The following AMMECR1L variants were observed in gnomAD, a reference collection of about 807,000 sequenced individuals.
The protein encoded by AMMECR1L is AMMECR1-like protein.
Under a neutral mutation model 36.8 loss-of-function variants are expected in AMMECR1L, and 4 were observed. That is an observed-to-expected ratio of 0.11 (90% CI 0.05 to 0.25). The LOEUF is 0.25. Among genes scored for constraint, AMMECR1L ranks in the 10% least tolerant of loss-of-function variants. The pLI is 1.00. For synonymous variants in AMMECR1L, 147 were observed against 148.0 expected (o/e 0.99, Z 0.05); for missense variants, 232 against 392.1 (o/e 0.59, Z 3.45).
chr2:127,868,966 G>A (rs773358657), intron 6 of AMMECR1L, among the ~76,000 whole-genome samples: 10 of 152,018 alleles, frequency 6.6e-5, no homozygotes, highest in Admixed American at 5.2e-4. Context: ...CTTGTGATCC[G>A]CCCACCTTGG....
chr2:127,870,366 T>C (rs1292564346), intron 5 of AMMECR1L, among the ~76,000 whole-genome samples: 3 of 151,734 alleles, frequency 2.0e-5, no homozygotes, highest in Admixed American at 2.0e-4. Context: ...TCCCAGCTAC[T>C]TGGGACACTG....
chr2:127,868,891 A>AT (rs34978045), intron 6 of AMMECR1L, among the ~76,000 whole-genome samples: 39,008 of 151,850 alleles, frequency 0.26, 5,624 homozygotes, highest in South Asian at 0.48. Flanking sequence ...TGCCCAGCTA[A>AT]TTTTTATATT....
At chr2:127,868,481 G>A (rs1249947052) in intron 6 of AMMECR1L, among the ~76,000 whole-genome samples, 1 of 152,126 alleles carries the variant, frequency 6.6e-6, no homozygotes, top group Non-Finnish European at 1.5e-5. Context: ...CGTTTTCCAT[G>A]TTTGCTCATG....
chr2:127,865,245 C>A lies in AMMECR1L; in HGVS notation c.822-40G>T, dbSNP rs141599954. ...AGGAAAGGGTATTAGGAACCCCAAA[C>A]GCTTCATTTTGTAAAGTCACTCAGC... On this transcript the variant is annotated intron_variant, in intron 7 of 7. Coordinates refer to ENST00000272647, the MANE Select transcript of AMMECR1L (RefSeq NM_001199140.2). The surrounding 1 kb of genome is among the most constrained non-coding windows in gnomAD (Gnocchi z 5.4). The A allele has an allele frequency of 1.4e-6, 2 of 1,449,402 alleles. No homozygotes were observed. Among genetic ancestry groups the A allele is most frequent in the African/African-American group, 2.8e-5 (2 of 70,542 alleles). The allele number at this position is 1,449,402 out of a possible 1,614,324, so 89.8% of individuals were successfully genotyped here.
At chr2:127,879,179 A>C (rs1691379359) in intron 2 of AMMECR1L, among the ~76,000 whole-genome samples, 1 of 152,320 alleles carries the variant, frequency 6.6e-6, no homozygotes, top group African/African-American at 2.4e-5. Flanking sequence ...GTTTGTCGCC[A>C]CCCAAGTCTC....
At chr2:127,872,016 C>G (rs1021142135) in intron 3 of AMMECR1L, among the ~76,000 whole-genome samples, 2 of 151,930 alleles carry the variant, frequency 1.3e-5, no homozygotes, top group Non-Finnish European at 2.9e-5. Context: ...TGGCGAAACC[C>G]CGCCTCTACT....
rs769318368 is a variant in AMMECR1L at position 127,873,097 on chromosome 2, A to G, written c.407+731T>C. The G allele has an allele frequency of 1.4e-5, 14 of 985,218 alleles. No homozygotes were observed. In the Admixed American group the frequency reaches 4.9e-4, roughly 35 times the overall value. The allele number at this position is 985,218 out of a possible 1,614,324, so 61.0% of individuals were successfully genotyped here. On this transcript the variant is annotated intron_variant, in intron 3 of 7. Coordinates refer to ENST00000272647, the MANE Select transcript of AMMECR1L (RefSeq NM_001199140.2). The surrounding 1 kb of genome is among the most constrained non-coding windows in gnomAD (Gnocchi z 5.2). Reference sequence around the variant, plus strand: ...CAACAACTGAGGAATGAATAATCTCATATCAATGAACACTCCAAAAGCATA... The same window carrying G: ...CAACAACTGAGGAATGAATAATCTCGTATCAATGAACACTCCAAAAGCATA...
rs931912480 is a variant in AMMECR1L, at chr2:127,863,662, T to C, written c.*1432A>G. Reference sequence around the variant, plus strand: ...ATCCACTTCATGAGTTCTCTAAGCATGTTGTTGAAAACCAGTGTCACATCC... The same window carrying C: ...ATCCACTTCATGAGTTCTCTAAGCACGTTGTTGAAAACCAGTGTCACATCC... On this transcript the variant is annotated 3_prime_UTR_variant, in exon 8 of 8. Transcript: ENST00000272647. 3 of 152,692 alleles carry C rather than the reference T, an allele frequency of 2.0e-5. No homozygotes were observed. The highest frequency in any genetic ancestry group is 4.4e-5 in the Non-Finnish European group (3 of 68,052). The allele number at this position is 152,692 out of a possible 1,614,324, so 9.5% of individuals were successfully genotyped here.
chr2:127,878,446 ACCTTTC>A (rs1363347139), intron 2 of AMMECR1L, among the ~76,000 whole-genome samples: 321 of 152,326 alleles, frequency 2.1e-3, no homozygotes, highest in Non-Finnish European at 2.9e-3. Context: ...AGCTAAAAAA[ACCTTTC>A]ATCATTCTCA....
chr2:127,876,972 G>A (rs995625765), intron 2 of AMMECR1L, among the ~76,000 whole-genome samples: 16 of 150,476 alleles, frequency 1.1e-4, no homozygotes, highest in Admixed American at 2.0e-4. Flanking sequence ...AGCTGAGATC[G>A]CACCACTGCA....
chr2:127,875,767 C>T (rs1475685108), intron 2 of AMMECR1L, among the ~76,000 whole-genome samples: 1 of 149,072 alleles, frequency 6.7e-6, no homozygotes. Flanking sequence ...CTCTCTTTCC[C>T]TCTCCTCCCC....
At chr2:127,867,573 C>T (rs1463365560) in intron 6 of AMMECR1L, among the ~76,000 whole-genome samples, 4 of 152,106 alleles carry the variant, frequency 2.6e-5, no homozygotes, top group Admixed American at 6.6e-5. Context: ...ATGGTTAAAC[C>T]TCATCCCTAC....
intron 2 of AMMECR1L, among the ~76,000 whole-genome samples, chr2:127,875,347 G>T (rs1691176739): frequency 6.6e-6 from 1 of 152,008 alleles, no homozygotes; most frequent in South Asian, 2.1e-4. Context: ...TCAAGTCATT[G>T]TATGTTATTG....
Position 127,862,774 on chromosome 2 carries a change from A to G in AMMECR1L, c.*2320T>C, listed in dbSNP as rs762117026. The G allele has an allele frequency of 3.3e-5, 5 of 151,176 alleles. No individual in the cohort carries two copies. The highest frequency in any genetic ancestry group is 7.4e-5 in the Non-Finnish European group (5 of 67,622). 9.4% of individuals were successfully genotyped at this position (151,176 alleles called of 1,614,324 possible). ...GTGTGGTGCTGGGCCTAACCAGCCC[A>G]ATTCTTGTGCACTGATTTTTTTTTC... On this transcript the variant is annotated 3_prime_UTR_variant, in exon 8 of 8. Coordinates refer to ENST00000272647, the MANE Select transcript of AMMECR1L (RefSeq NM_001199140.2).
rs1690579270 is a variant in AMMECR1L at position 127,864,067 on chromosome 2, G to C, written c.*1027C>G. ...TCTTCCCACCTCTACAGGCAAACTA[G>C]AAAAAGGAGCTCCCCTGCTTACAGG... On this transcript the variant is annotated 3_prime_UTR_variant, in exon 8 of 8. Coordinates refer to ENST00000272647, the MANE Select transcript of AMMECR1L (RefSeq NM_001199140.2). The C allele has an allele frequency of 6.6e-6, 1 of 152,664 alleles. No individual in the cohort carries two copies. Among genetic ancestry groups the C allele is most frequent in the African/African-American group, 2.4e-5 (1 of 41,448 alleles). The allele number at this position is 152,664 out of a possible 1,614,324, so 9.5% of individuals were successfully genotyped here. A position where few individuals can be genotyped will look rare whatever the true frequency, so the allele number is the denominator to read the frequency against.
In AMMECR1L at chr2:127,865,839, A is replaced by T. The variant is rs1177266856; in HGVS notation, c.822-634T>A. On this transcript the variant is annotated intron_variant, in intron 7 of 7. Transcript: ENST00000272647. This position sits in a 1 kb window ranked among gnomAD's most constrained non-coding sequence, Gnocchi z 5.4. ...GAAAGAGCCATGAGTCAGGATGCGAAGCATGGGGTGTTACAAACCTATGGA... is the reference window on the plus strand; with the variant it reads ...GAAAGAGCCATGAGTCAGGATGCGATGCATGGGGTGTTACAAACCTATGGA... 1.3e-5 allele frequency among the ~76,000 whole-genome samples: 2 copies of T among 152,222 alleles called. No homozygotes were observed. The highest frequency in any genetic ancestry group is 2.9e-5 in the Non-Finnish European group (2 of 68,036).
At chr2:127,877,036 CATATATATATATATAT>C (rs10568778) in intron 2 of AMMECR1L, among the ~76,000 whole-genome samples, 1 of 142,232 alleles carries the variant, frequency 7.0e-6, no homozygotes, top group Admixed American at 7.1e-5. Context: ...TATATATATA[CATATATATATATATAT>C]ATATGTACAT....
Position 127,873,991 on chromosome 2 carries a change from C to G in AMMECR1L, c.244G>C (p.Ala82Pro), listed in dbSNP as rs146751577. The change falls in exon 3 of 8, where the codon GCA (alanine) becomes CCA (proline). Residue 82 changes from alanine (A) to proline (P), a missense_variant. Around this residue, in one of 3 missense-constraint regions of AMMECR1L, gnomAD observed 109 missense variants for 128.1 expected, o/e 0.85. Transcript: ENST00000272647. This position sits in a 1 kb window ranked among gnomAD's most constrained non-coding sequence, Gnocchi z 5.2. ...GNSPITRMNP[A>P]SGALSPLPRP... Reference sequence around the variant, plus strand: ...GGAAGAGGGCTCAGCGCTCCCGATGCGGGATTCATTCGTGTGATGGGAGAG... The same window carrying G: ...GGAAGAGGGCTCAGCGCTCCCGATGGGGGATTCATTCGTGTGATGGGAGAG... The G allele has an allele frequency of 0.012, 18,739 of 1,614,202 alleles. 150 individuals are homozygous for G. The highest frequency in any genetic ancestry group is 0.014 in the Non-Finnish European group (16,291 of 1,180,040).
intron 5 of AMMECR1L, among the ~76,000 whole-genome samples, chr2:127,870,079 G>A (rs1690889026): frequency 6.6e-6 from 1 of 151,836 alleles, no homozygotes; most frequent in Non-Finnish European, 1.5e-5. Context: ...CACTTTGGGA[G>A]TCCAAGGCAG....
Sources: gnomAD v4.1 joint callset for allele counts (sites outside exome capture counted in the v4.1 genomes callset) on GRCh38, gnomAD v4.1.1 for gene constraint, gnomAD v4.1.1 regional missense constraint, Gnocchi (gnomAD v3.1) non-coding constraint, MANE v1.5 for transcripts, NCBI Gene and HGNC (gene_info 2026-07-23, HGNC 2026-07-21) for gene names.